Variants in DLG2 observed in about 807,000 individuals in gnomAD.
DLG2 encodes the protein disks large homolog 2.
A neutral mutation model predicts 132.5 loss-of-function variants in DLG2; 45 were observed. The ratio of observed to expected loss-of-function variants is 0.34; its 90% CI spans 0.27 to 0.44. DLG2 has a LOEUF of 0.44. Among genes scored for constraint, DLG2 ranks in the 20% least tolerant of loss-of-function variants. DLG2 has a pLI of 1.00. For missense variants in DLG2, 1,045 were observed against 1,196.9 expected (o/e 0.87, Z 1.87); for synonymous variants, 424 against 419.6 (o/e 1.01, Z -0.13).
intron 6 of DLG2, chr11:84,955,725 A>T (rs1166155644): frequency 6.6e-6 from 1 of 152,174 alleles, no homozygotes; most frequent in East Asian, 1.9e-4. Flanking sequence ...TTGTCTCTGG[A>T]ATTTGTAAAT....
At chr11:84,379,655 C>T (rs986778045) in intron 7 of DLG2, among the ~76,000 whole-genome samples, 22 of 151,952 alleles carry the variant, frequency 1.4e-4, no homozygotes, top group African/African-American at 4.6e-4. Flanking sequence ...AAGGACAATA[C>T]GGTCTGAGGC....
At chr11:84,936,484 T>C (rs939302599) in intron 6 of DLG2, among the ~76,000 whole-genome samples, 8 of 152,074 alleles carry the variant, frequency 5.3e-5, no homozygotes, top group South Asian at 2.1e-4. Context: ...ATTAGTTAAA[T>C]AAATAAATGA....
At chr11:84,235,057 T>C (rs1228312569) in intron 8 of DLG2, among the ~76,000 whole-genome samples, 1 of 152,220 alleles carries the variant, frequency 6.6e-6, no homozygotes, top group Non-Finnish European at 1.5e-5. Context: ...CACAACCTCT[T>C]ACCTTAACCC....
At chr11:85,016,776 T>G (rs1592730114) in intron 6 of DLG2, among the ~76,000 whole-genome samples, 1 of 152,134 alleles carries the variant, frequency 6.6e-6, no homozygotes, top group South Asian at 2.1e-4. Flanking sequence ...TTTGACAGGT[T>G]AGATAGCCCT....
At chr11:85,519,624 G>T (rs1225300777) in intron 3 of DLG2, among the ~76,000 whole-genome samples, 1 of 152,210 alleles carries the variant, frequency 6.6e-6, no homozygotes, top group South Asian at 2.1e-4. Flanking sequence ...ATGCTGAAAT[G>T]AGTTAAGTCT....
chr11:84,097,504 C>T lies in DLG2; in HGVS notation c.749+1419G>A, dbSNP rs140571673. ...CTTTGGCTATACATCTTCACTTATG[C>T]TTTCTGTATTCAGAGTTAAGACCAA... is the stretch of plus-strand genomic sequence containing the variant. On this transcript the variant is annotated intron_variant, in intron 10 of 27. Transcript: ENST00000376104. Among the ~76,000 whole-genome samples the T allele has an allele frequency of 4.5e-3, 681 of 152,298 alleles. 2 individuals are homozygous for T. Among genetic ancestry groups the T allele is most frequent in the Middle Eastern group, 0.017 (5 of 294 alleles).
At position 84,034,695 on chromosome 11, in the gene DLG2, A is replaced by G. The variant is rs2154096536; in HGVS notation, c.919+24620T>C. 2.0e-5 allele frequency among the ~76,000 whole-genome samples: 3 copies of G among 152,292 alleles called. No homozygotes were observed. The South Asian group carries it at 6.2e-4, about 32-fold the overall frequency. ...AATTTGCATCCAGTGGACTATATCC[A>G]TCATCTGATAGGAGACAGCAAGTAG... On this transcript the variant is annotated intron_variant, in intron 11 of 27. Transcript: ENST00000376104.
At chr11:85,080,044 C>T (rs1214540455) in intron 6 of DLG2, among the ~76,000 whole-genome samples, 2 of 152,094 alleles carry the variant, frequency 1.3e-5, no homozygotes, top group African/African-American at 4.8e-5. Flanking sequence ...CCTTATTTTG[C>T]CAGCTATTTA....
intron 6 of DLG2, among the ~76,000 whole-genome samples, chr11:84,937,062 G>A (rs1405772154): frequency 1.3e-5 from 2 of 152,142 alleles, no homozygotes; most frequent in East Asian, 3.9e-4. Context: ...TAAGGCAGGA[G>A]AACTGCTTGA....
At chr11:84,461,594 A>G (rs2154485630) in intron 7 of DLG2, among the ~76,000 whole-genome samples, 1 of 151,230 alleles carries the variant, frequency 6.6e-6, no homozygotes, top group East Asian at 1.9e-4. Flanking sequence ...AATTGATATA[A>G]AATAATTGGA....
intron 7 of DLG2, among the ~76,000 whole-genome samples, chr11:84,456,025 C>T (rs1038188316): frequency 6.6e-6 from 1 of 151,234 alleles, no homozygotes; most frequent in African/African-American, 2.4e-5. Context: ...TAACCCTCAT[C>T]AAGCAAGTAT....
intron 6 of DLG2, among the ~76,000 whole-genome samples, chr11:84,639,348 GTTTTT>G (rs550030032): frequency 7.6e-4 from 96 of 126,808 alleles, no homozygotes; most frequent in Middle Eastern, 4.4e-3. Context: ...AGATATCTGT[GTTTTT>G]TTTTTTTTTT....
chr11:85,388,229 C>A (rs2086508631), intron 3 of DLG2, among the ~76,000 whole-genome samples: 1 of 152,068 alleles, frequency 6.6e-6, no homozygotes, highest in Non-Finnish European at 1.5e-5. Flanking sequence ...CAGAGACAGC[C>A]ATAAGTCCCC....
chr11:85,071,814 C>T (rs542370673), intron 6 of DLG2, among the ~76,000 whole-genome samples: 1 of 151,880 alleles, frequency 6.6e-6, no homozygotes, highest in South Asian at 2.1e-4. Context: ...AGCCTTGAAG[C>T]CAAAGAGTTC....
chr11:85,565,891 T>C (rs1033532718), intron 3 of DLG2, among the ~76,000 whole-genome samples: 18 of 152,214 alleles, frequency 1.2e-4, no homozygotes, highest in Admixed American at 1.1e-3. Context: ...TACTGGATCA[T>C]GTGGTAACTC....
At chr11:84,277,853 C>T (rs1181545974) in intron 7 of DLG2, among the ~76,000 whole-genome samples, 1 of 151,982 alleles carries the variant, frequency 6.6e-6, no homozygotes, top group Admixed American at 6.6e-5. Context: ...AGATGACATC[C>T]CTGCCAATCC....
intron 6 of DLG2, among the ~76,000 whole-genome samples, chr11:84,742,485 A>G (rs1376754229): frequency 1.3e-5 from 2 of 152,190 alleles, no homozygotes; most frequent in Non-Finnish European, 2.9e-5. Flanking sequence ...GTTTTTCAAA[A>G]GACTTAATTT....
intron 3 of DLG2, among the ~76,000 whole-genome samples, chr11:85,293,186 T>C (rs1469339466): frequency 1.3e-5 from 2 of 152,098 alleles, no homozygotes; most frequent in African/African-American, 2.4e-5. Context: ...AGTTATAAAA[T>C]CATTGAGGGA....
At chr11:84,938,336 T>C (rs903587953) in intron 6 of DLG2, among the ~76,000 whole-genome samples, 2 of 152,182 alleles carry the variant, frequency 1.3e-5, no homozygotes, top group Non-Finnish European at 2.9e-5. Flanking sequence ...ATTGATTTTA[T>C]GGATAGAGAA....
Sources: allele counts gnomAD v4.1 joint callset (sites outside exome capture counted in the v4.1 genomes callset), GRCh38; gene constraint gnomAD v4.1.1; transcripts MANE v1.5; gene names NCBI Gene and HGNC (gene_info 2026-07-23, HGNC 2026-07-21).